Variants in CACNA1D observed in about 807,000 individuals in gnomAD.
CACNA1D encodes the protein voltage-dependent L-type calcium channel subunit alpha-1D.
CACNA1D carries 55 observed loss-of-function variants against 257.1 expected under a neutral mutation model. The ratio of observed to expected loss-of-function variants is 0.21; its 90% confidence interval spans 0.17 to 0.27. The LOEUF is 0.27. Ranked by LOEUF, CACNA1D falls within the 10% of genes least tolerant of loss-of-function variation. CACNA1D has a pLI of 1.00. For synonymous variants in CACNA1D, 980 were observed against 1,014.9 expected, an observed-to-expected ratio of 0.97 and a Z score of 0.65; for missense variants, 1,876 against 2,784.0, an observed-to-expected ratio of 0.67 and a Z score of 7.34.
chr3:53,549,015 T>A (rs1245761813), intron 3 of CACNA1D, among the ~76,000 whole-genome samples: 1 of 152,172 alleles, frequency 6.6e-6, no homozygotes, highest in Non-Finnish European at 1.5e-5. Flanking sequence ...ACAGAAGAGT[T>A]AAAAAATAGA....
At position 53,609,431 on chromosome 3, in the gene CACNA1D, A is replaced by C. The variant is rs916703318; in HGVS notation, c.484-41348A>C. 8.0e-5 allele frequency among the ~76,000 whole-genome samples: 12 copies of C among 150,826 alleles called. No homozygotes were observed. In the South Asian group the frequency reaches 8.3e-4, roughly 10 times the overall value. On this transcript the variant is annotated intron_variant, in intron 3 of 47. Transcript: ENST00000350061. ...CCTCAAAAAAAAAAAAAAAAAAAAA[A>C]AACTTCAAGTTATTAAATAGATATA...
intron 3 of CACNA1D, among the ~76,000 whole-genome samples, chr3:53,545,494 G>T (rs1347094627): frequency 2.6e-5 from 4 of 152,332 alleles, no homozygotes; most frequent in Non-Finnish European, 4.4e-5. Flanking sequence ...AGAGGAGCGG[G>T]GTGAGGATTT....
At chr3:53,649,481 C>T (rs2094063870) in intron 3 of CACNA1D, among the ~76,000 whole-genome samples, 1 of 152,096 alleles carries the variant, frequency 6.6e-6, no homozygotes, top group South Asian at 2.1e-4. Flanking sequence ...TTTTGTGACT[C>T]TTGAGAAATT....
At chr3:53,537,255 C>T (rs2092141390) in intron 3 of CACNA1D, among the ~76,000 whole-genome samples, 1 of 152,052 alleles carries the variant, frequency 6.6e-6, no homozygotes, top group South Asian at 2.1e-4. Context: ...AGTAAAAATA[C>T]TCTTAACCTT....
chr3:53,615,113 T>C (rs575290886), intron 3 of CACNA1D, among the ~76,000 whole-genome samples: 175 of 152,322 alleles, frequency 1.1e-3, no homozygotes, highest in African/African-American at 4.2e-3. Flanking sequence ...CAGACCATCA[T>C]TGACATCCGT....
intron 23 of CACNA1D, 39 bp downstream of exon 23, chr3:53,744,866 T>A (rs752386897): frequency 8.6e-7 from 1 of 1,165,336 alleles, no homozygotes; most frequent in South Asian, 1.2e-5. Flanking sequence ...TGGCTTGGGT[T>A]GGGGTTGGCT....
chr3:53,593,981 G>GA (rs2093340236), intron 3 of CACNA1D, among the ~76,000 whole-genome samples: 1 of 152,178 alleles, frequency 6.6e-6, no homozygotes, highest in Non-Finnish European at 1.5e-5. Flanking sequence ...TGGAAAAAGA[G>GA]AAAGAAGTGA....
intron 39 of CACNA1D, chr3:53,785,818 AAGG>A (rs2109101789): frequency 6.6e-6 from 1 of 152,310 alleles, no homozygotes; most frequent in African/African-American, 2.4e-5. Flanking sequence ...TAGATCTTGC[AAGG>A]GTGGCCTGGC....
At chr3:53,579,949 G>A (rs757190751) in intron 3 of CACNA1D, among the ~76,000 whole-genome samples, 28 of 152,362 alleles carry the variant, frequency 1.8e-4, no homozygotes, top group African/African-American at 5.8e-4. Context: ...CAGGGCTTGC[G>A]AAAAGATTCA....
intron 29 of CACNA1D, among the ~76,000 whole-genome samples, chr3:53,754,081 A>G (rs113485759): frequency 2.0e-5 from 3 of 152,376 alleles, no homozygotes; most frequent in Admixed American, 1.3e-4. Context: ...ACTTTCAGAT[A>G]TCTAGTCTAA....
chr3:53,675,197 G>A (rs892268805), intron 8 of CACNA1D, among the ~76,000 whole-genome samples: 2 of 152,144 alleles, frequency 1.3e-5, no homozygotes, highest in Non-Finnish European at 2.9e-5. Context: ...CCTGGGATGG[G>A]GCCACATAAC....
At chr3:53,509,268 C>T (rs758779884) in intron 3 of CACNA1D, among the ~76,000 whole-genome samples, 130 of 148,396 alleles carry the variant, frequency 8.8e-4, no homozygotes, top group South Asian at 1.7e-3. Context: ...CAGTGAGCTC[C>T]ACAGCCCCCT....
At chr3:53,510,428 G>A (rs2091059390) in intron 3 of CACNA1D, among the ~76,000 whole-genome samples, 1 of 152,166 alleles carries the variant, frequency 6.6e-6, no homozygotes. Context: ...AATATTCCAT[G>A]TATGAATGTA....
At chr3:53,802,410 A>G (rs1292664111) in intron 43 of CACNA1D, among the ~76,000 whole-genome samples, 1 of 152,184 alleles carries the variant, frequency 6.6e-6, no homozygotes, top group African/African-American at 2.4e-5. Context: ...CACAAGGTGC[A>G]CCCCATGGGC....
intron 11 of CACNA1D, among the ~76,000 whole-genome samples, chr3:53,722,060 T>C (rs940186595): frequency 2.0e-5 from 3 of 152,244 alleles, no homozygotes. Flanking sequence ...TCTGGAGTTA[T>C]CTATAAGCCA....
At chr3:53,747,889 C>G (rs1355692831) in intron 26 of CACNA1D, among the ~76,000 whole-genome samples, 2 of 152,244 alleles carry the variant, frequency 1.3e-5, no homozygotes, top group Non-Finnish European at 2.9e-5. Flanking sequence ...CGCTCATTTA[C>G]AGACCATGCT....
chr3:53,538,607 T>C (rs1559809275), intron 3 of CACNA1D, among the ~76,000 whole-genome samples: 1 of 152,214 alleles, frequency 6.6e-6, no homozygotes, highest in African/African-American at 2.4e-5. Context: ...CCCCTTGTGG[T>C]AGTGTGAACC....
At chr3:53,611,491 A>G (rs2107961659) in intron 3 of CACNA1D, among the ~76,000 whole-genome samples, 2 of 152,122 alleles carry the variant, frequency 1.3e-5, no homozygotes, top group South Asian at 4.2e-4. Flanking sequence ...GTTTTTGGGT[A>G]CTTGATTTTA....
At chr3:53,558,842 G>A (rs912791838) in intron 3 of CACNA1D, among the ~76,000 whole-genome samples, 1 of 152,012 alleles carries the variant, frequency 6.6e-6, no homozygotes, top group African/African-American at 2.4e-5. Context: ...TCTAGGTATT[G>A]ATTTCTTTGA....
Sources: gnomAD v4.1 joint callset for allele counts (sites outside exome capture counted in the v4.1 genomes callset) on GRCh38, gnomAD v4.1.1 for gene constraint, MANE v1.5 for transcripts, NCBI Gene and HGNC (gene_info 2026-07-23, HGNC 2026-07-21) for gene names.